CPA1: variants seen among roughly 807,000 people sequenced by gnomAD.
The protein encoded by CPA1 is carboxypeptidase A1.
In CPA1, 42 loss-of-function variants were observed where a neutral mutation model predicts 48.7. The ratio of observed to expected loss-of-function variants is 0.86; its 90% CI spans 0.67 to 1.11. The LOEUF (loss-of-function observed/expected upper bound fraction) is 1.11. CPA1 is among the 50% of genes most tolerant of loss of function. The pLI, the probability that CPA1 is intolerant of heterozygous loss-of-function variation, is 0.00. For missense variants in CPA1, 477 were observed against 544.7 expected, an observed-to-expected ratio of 0.88 and a Z score of 1.24; for synonymous variants, 203 against 217.9, an observed-to-expected ratio of 0.93 and a Z score of 0.60.
chr7:130,383,548 C>T, intron 5 of CPA1, 56 bp downstream of exon 5: 1 of 1,497,290 alleles, frequency 6.7e-7, no homozygotes, highest in South Asian at 1.2e-5. Context: ...GTGTCCAAGG[C>T]CCACAGAAGC....
In CPA1 at chr7:130,382,201, G is replaced by T; in HGVS notation, c.475G>T (p.Val159Leu). ...CACCTATGAAGGGCGTCCCATTTAC[G>T]TGCTGAAGGTAACATCCACATGTGG... ...GNTYEGRPIY[V>L]LKFSTGGSKR... The change falls in exon 4 of 10, where the codon GTG (valine) becomes TTG (leucine). Residue 159 changes from valine (V) to leucine (L), a missense_variant. Val to Leu is a conservative substitution (Grantham distance 32, BLOSUM62 1). Transcript: ENST00000011292. The T allele has an allele frequency of 6.2e-7, 1 of 1,613,648 alleles. No homozygotes were observed. The highest frequency in any genetic ancestry group is 8.5e-7 in the Non-Finnish European group (1 of 1,179,522).
intron 1 of CPA1, 111 bp from the exon 2 acceptor site, chr7:130,380,987 G>T: frequency 1.2e-6 from 1 of 845,708 alleles, no homozygotes. Flanking sequence ...CCCAGAGGAC[G>T]AGGCCCAGTC....
At chr7:130,382,516 T>C (rs1196688724) in intron 4 of CPA1, among the ~76,000 whole-genome samples, 1 of 151,976 alleles carries the variant, frequency 6.6e-6, no homozygotes, top group Non-Finnish European at 1.5e-5. Flanking sequence ...CAGGCTGGAG[T>C]GCAGTGGCAT....
rs371401173 is a variant in CPA1, at chr7:130,381,678, C to T, written c.196C>T (p.Arg66Ter). Residue 66 changes from arginine (R) to a stop codon, truncating the protein, a stop_gained, in exon 3 of 10, where the codon CGA (arginine) becomes TGA (stop). Coordinates refer to ENST00000011292, the MANE Select transcript of CPA1 (RefSeq NM_001868.4). LOFTEE classifies it high-confidence loss of function. ...PAHPGSPIDV[R>*]VPFPSIQAVK... ...CCACCCTGGCTCCCCCATCGACGTCCGAGTGCCCTTCCCCAGCATCCAGGC... is the reference window on the plus strand; with the variant it reads ...CCACCCTGGCTCCCCCATCGACGTCTGAGTGCCCTTCCCCAGCATCCAGGC... 5.0e-6 allele frequency: 8 copies of T among 1,613,960 alleles called. No homozygotes were observed. Among genetic ancestry groups the T allele is most frequent in the African/African-American group, 2.7e-5 (2 of 74,922 alleles).
chr7:130,383,541 T>C (rs1554411521), intron 5 of CPA1, 49 bp downstream of exon 5: 1 of 1,523,622 alleles, frequency 6.6e-7, no homozygotes, highest in South Asian at 1.1e-5. Context: ...GGCATTGGTG[T>C]CCAAGGCCCA....
chr7:130,384,049 C>A (rs1228511938), intron 6 of CPA1: 7 of 536,832 alleles, frequency 1.3e-5, no homozygotes, highest in Admixed American at 3.2e-5. Context: ...AGTAGGAGCC[C>A]CCCTCTCCAG....
chr7:130,381,198 G>A lies in CPA1; in HGVS notation c.147+19G>A, dbSNP rs782674619. The A allele has an allele frequency of 9.5e-6, 15 of 1,582,496 alleles. No homozygotes were observed. The highest frequency in any genetic ancestry group is 1.3e-5 in the Non-Finnish European group (15 of 1,154,440). On this transcript the variant is annotated intron_variant, in intron 2 of 9. Transcript: ENST00000011292. ...CCTGCAGGTCAGAAGAGGGGAGAAGGGCTCTCTGAGGCCCCAGGGTATCAG... is the reference window on the plus strand; with the variant it reads ...CCTGCAGGTCAGAAGAGGGGAGAAGAGCTCTCTGAGGCCCCAGGGTATCAG...
In CPA1 at chr7:130,384,549, G is replaced by A. The variant is rs371545225; in HGVS notation, c.710G>A (p.Arg237His). ...TTCCTTCCTCAGAATCGCATGTGGCGCAAGACTCGGTCCCACACAGCAGGC... is the reference window on the plus strand; with the variant it reads ...TTCCTTCCTCAGAATCGCATGTGGCACAAGACTCGGTCCCACACAGCAGGC... ...AFTHSTNRMWRKTRSHTAGSL... is the reference protein window; with the variant it reads ...AFTHSTNRMWHKTRSHTAGSL... Residue 237 changes from arginine (R) to histidine (H), a missense_variant, in exon 7 of 10, where the codon CGC becomes CAC. Arg to His is a conservative substitution (Grantham distance 29). Transcript: ENST00000011292. The A allele has an allele frequency of 8.7e-6, 14 of 1,614,036 alleles. No homozygotes were observed. Among genetic ancestry groups the A allele is most frequent in the Admixed American group, 3.3e-5 (2 of 60,002 alleles).
chr7:130,385,310 TAC>T lies in CPA1; in HGVS notation c.954_955del (p.Tyr318Ter), dbSNP rs782273120. The T allele has an allele frequency of 1.4e-5, 23 of 1,614,088 alleles. No individual in the cohort carries two copies. The highest frequency in any genetic ancestry group is 1.9e-5 in the Non-Finnish European group (22 of 1,180,054). Reference protein sequence around the residue: ...YSQLLMYPYGYKTEPVPDQDE... With the variant: ...YSQLLMYPYGXKTEPVPDQDE... ...CCAGCTCCTCATGTATCCCTATGGCTACAAAACAGAACCAGTCCCTGACCAGG... is the reference window on the plus strand; with the variant it reads ...CCAGCTCCTCATGTATCCCTATGGCTAAAACAGAACCAGTCCCTGACCAGG... On this transcript the variant is annotated frameshift_variant, in exon 8 of 10. Coordinates refer to ENST00000011292, the MANE Select transcript of CPA1 (RefSeq NM_001868.4). LOFTEE classifies it high-confidence loss of function.
At chr7:130,385,999 C>CTCGG in intron 9 of CPA1, 76 bp downstream of exon 9, 1 of 1,365,872 alleles carries the variant, frequency 7.3e-7, no homozygotes, top group Non-Finnish European at 1.0e-6. Context: ...GGGAGTATCC[C>CTCGG]TCATGGAAGG....
rs1554411734 is a variant in CPA1, at chr7:130,384,582, G to A, written c.743G>A (p.Cys248Tyr). Residue 248 changes from cysteine to tyrosine, a missense_variant, in exon 7 of 10, where the codon TGT becomes TAT. By Grantham distance (194) the Cys-to-Tyr change is radical (BLOSUM62 -2). Transcript: ENST00000011292. ...CGGTCCCACACAGCAGGCTCCCTCTGTATTGGCGTGGACCCCAACAGGAAC... is the reference window on the plus strand; with the variant it reads ...CGGTCCCACACAGCAGGCTCCCTCTATATTGGCGTGGACCCCAACAGGAAC... ...KTRSHTAGSLCIGVDPNRNWD... is the reference protein window; with the variant it reads ...KTRSHTAGSLYIGVDPNRNWD... 3 of 1,614,120 alleles carry A rather than the reference G, an allele frequency of 1.9e-6. No individual in the cohort carries two copies. The highest frequency in any genetic ancestry group is 3.3e-5 in the Admixed American group (2 of 60,010).
At chr7:130,384,435 C>T (rs1562967877) in intron 6 of CPA1, 101 bp from the exon 7 acceptor site, 14 of 992,410 alleles carry the variant, frequency 1.4e-5, no homozygotes, top group Non-Finnish European at 2.2e-5. Context: ...GCCCTCCCCT[C>T]AGTCCACTCT....
In CPA1 at chr7:130,387,947, C is replaced by T. The variant is rs782063905; in HGVS notation, c.1196C>T (p.Thr399Ile). 3 of 1,614,182 alleles carry T rather than the reference C, an allele frequency of 1.9e-6. No homozygotes were observed. In the South Asian group the frequency reaches 3.3e-5, roughly 18 times the overall value. ...FLLPASQIIP[T>I]AKETWLALLT... ...CTGCCAGCCTCCCAGATCATCCCCACAGCCAAGGAGACGTGGCTGGCGCTT... is the reference window on the plus strand; with the variant it reads ...CTGCCAGCCTCCCAGATCATCCCCATAGCCAAGGAGACGTGGCTGGCGCTT... The change falls in exon 10 of 10, where the codon ACA (threonine) becomes ATA (isoleucine). Residue 399 changes from threonine (T) to isoleucine (I), a missense_variant. Physicochemically the swap from Thr to Ile is moderately conservative, Grantham distance 89. Transcript: ENST00000011292. The surrounding 1 kb of genome is among the most constrained non-coding windows in gnomAD (Gnocchi z 4.6).
chr7:130,381,932 G>C (rs1475479305), intron 3 of CPA1, 69 bp downstream of exon 3: 2 of 1,465,936 alleles, frequency 1.4e-6, no homozygotes, highest in East Asian at 4.6e-5. Context: ...GAACGCGGTA[G>C]GGCCAAGGCC....
At chr7:130,381,243 C>T (rs1158991524) in intron 2 of CPA1, 64 bp downstream of exon 2, 1 of 1,227,570 alleles carries the variant, frequency 8.1e-7, no homozygotes, top group Non-Finnish European at 1.2e-6. Context: ...CCCCAGGTCC[C>T]CAGCGGCCAA....
In CPA1 at chr7:130,381,078, C is replaced by T. The variant is rs2117498991; in HGVS notation, c.66-20C>T. The T allele has an allele frequency of 6.2e-7, 1 of 1,608,402 alleles. No homozygotes were observed. The highest frequency in any genetic ancestry group is 2.2e-5 in the East Asian group (1 of 44,814). On this transcript the variant is annotated intron_variant, in intron 1 of 9. Transcript: ENST00000011292. The stretch of plus-strand genomic sequence containing the variant: ...GCAGGTGCAGCTTGGGTGCTCACTC[C>T]CCACTCCCACTCTGCCCAGGCATCA...
rs558885976 is a variant in CPA1 at position 130,387,480 on chromosome 7, G to A, written c.1073-344G>A. ...CAGAGCCCCAGGGGAACAAATCCTG[G>A]TTACCCAAGCAGGGAACTCGGTATA... is the stretch of plus-strand genomic sequence containing the variant. On this transcript the variant is annotated intron_variant, in intron 9 of 9. Transcript: ENST00000011292. The surrounding 1 kb of genome is among the most constrained non-coding windows in gnomAD (Gnocchi z 4.6). Among the ~76,000 whole-genome samples, 1 of 152,226 alleles carries A rather than the reference G, an allele frequency of 6.6e-6. No individual in the cohort carries two copies. Among genetic ancestry groups the A allele is most frequent in the African/African-American group, 2.4e-5 (1 of 41,548 alleles).
At chr7:130,381,953 T>A (rs1273245926) in intron 3 of CPA1, 90 bp downstream of exon 3, 8 of 1,306,856 alleles carry the variant, frequency 6.1e-6, no homozygotes. Flanking sequence ...AGGGCCAGCC[T>A]GGGTGTGCGC....
intron 1 of CPA1, 154 bp from the exon 2 acceptor site, chr7:130,380,944 T>C: frequency 1.5e-6 from 1 of 662,958 alleles, no homozygotes; most frequent in Non-Finnish European, 2.8e-6. Context: ...AGGCCTCTCC[T>C]TGTTGAGACC....
Sources: gnomAD v4.1 joint callset for allele counts (sites outside exome capture counted in the v4.1 genomes callset) on GRCh38, gnomAD v4.1.1 for gene constraint, Gnocchi (gnomAD v3.1) non-coding constraint, MANE v1.5 for transcripts, NCBI Gene and HGNC (gene_info 2026-07-23, HGNC 2026-07-21) for gene names.